The following KLHL12 variants were observed in gnomAD, a reference collection of about 807,000 sequenced individuals.
KLHL12 encodes the protein kelch-like protein 12.
In KLHL12, 17 loss-of-function variants were observed where a neutral mutation model predicts 60.8. That is an observed-to-expected ratio of 0.28 (90% confidence interval 0.19 to 0.42). The LOEUF is 0.42. Among genes scored for constraint, KLHL12 ranks in the 10% least tolerant of loss-of-function variants. The pLI, the probability that KLHL12 is intolerant of heterozygous loss-of-function variation, is 1.00. For synonymous variants in KLHL12, 220 were observed against 250.9 expected, an observed-to-expected ratio of 0.88 and a Z score of 1.16; for missense variants, 468 against 722.3, an observed-to-expected ratio of 0.65 and a Z score of 4.04.
In KLHL12 at chr1:202,927,147, T is replaced by G. The variant is rs1347717772; in HGVS notation, c.-104A>C. The G allele has an allele frequency of 2.0e-6, 2 of 985,156 alleles. No homozygotes were observed. Among genetic ancestry groups the G allele is most frequent in the Non-Finnish European group, 2.4e-6 (2 of 829,928 alleles). 61.0% of individuals were successfully genotyped at this position (985,156 alleles called of 1,614,324 possible). The stretch of plus-strand genomic sequence containing the variant: ...CCGTCCCCAGCCTGTGGGGATGGAG[T>G]GCGGCGCGGGGCTAGCAGGCGGCTC... On this transcript the variant is annotated 5_prime_UTR_variant, in exon 1 of 12. Coordinates refer to ENST00000367261, the MANE Select transcript of KLHL12 (RefSeq NM_021633.4).
chr1:202,912,572 C>A lies in KLHL12; in HGVS notation c.568-1369G>T, dbSNP rs191264287. On this transcript the variant is annotated intron_variant, in intron 4 of 11. Coordinates refer to ENST00000367261, the MANE Select transcript of KLHL12 (RefSeq NM_021633.4). Reference sequence around the variant, plus strand: ...CAGTGATTTTGGCAACTACAATAATCAGTCTTCAAATTTTGGACCCATGAA... The same window carrying A: ...CAGTGATTTTGGCAACTACAATAATAAGTCTTCAAATTTTGGACCCATGAA... 3.2e-4 allele frequency: 383 copies of A among 1,183,704 alleles called. 2 individuals carry two copies. In the African/African-American group the frequency reaches 4.9e-3, roughly 15 times the overall value. 73.3% of individuals were successfully genotyped at this position (1,183,704 alleles called of 1,614,324 possible).
rs1300773111 is a variant in KLHL12 at position 202,909,663 on chromosome 1, T to C, written c.718-539A>G. Among the ~76,000 whole-genome samples, 1 of 152,198 alleles carries C rather than the reference T, an allele frequency of 6.6e-6. No individual in the cohort carries two copies. Among genetic ancestry groups the C allele is most frequent in the Non-Finnish European group, 1.5e-5 (1 of 68,036 alleles). Reference sequence around the variant, plus strand: ...CTGTACCTTTTTCCACTCTGCTCTCTGGCTCAGAAGACTGGCCTATATGAA... The same window carrying C: ...CTGTACCTTTTTCCACTCTGCTCTCCGGCTCAGAAGACTGGCCTATATGAA... On this transcript the variant is annotated intron_variant, in intron 5 of 11. Coordinates refer to ENST00000367261, the MANE Select transcript of KLHL12 (RefSeq NM_021633.4). The surrounding 1 kb of genome is among the most constrained non-coding windows in gnomAD (Gnocchi z 4.1).
intron 6 of KLHL12, among the ~76,000 whole-genome samples, chr1:202,897,228 C>CTT (rs11305071): frequency 1.6e-3 from 132 of 82,232 alleles, no homozygotes; most frequent in Middle Eastern, 9.3e-3. Context: ...ATTTCTTTTT[C>CTT]TTTTTTTTTT....
In KLHL12 at chr1:202,909,492, A is replaced by G. The variant is rs1660291722; in HGVS notation, c.718-368T>C. Among the ~76,000 whole-genome samples, 1 of 152,156 alleles carries G rather than the reference A, an allele frequency of 6.6e-6. No individual in the cohort carries two copies. Among genetic ancestry groups the G allele is most frequent in the African/African-American group, 2.4e-5 (1 of 41,420 alleles). ...AATAAGAATTTTAAGGGGAAAACCA[A>G]AAAGATTCTGTTATTTTCTGGGTGA... On this transcript the variant is annotated intron_variant, in intron 5 of 11. Transcript: ENST00000367261. This position sits in a 1 kb window ranked among gnomAD's most constrained non-coding sequence, Gnocchi z 4.1.
chr1:202,917,806 G>A (rs936522353), intron 4 of KLHL12, among the ~76,000 whole-genome samples: 1 of 152,132 alleles, frequency 6.6e-6, no homozygotes, highest in Admixed American at 6.5e-5. Flanking sequence ...CCCACTTGGG[G>A]ATCTGTAGCA....
rs776735315 is a variant in KLHL12 at position 202,893,451 on chromosome 1, A to G, written c.1394-26T>C. The stretch of plus-strand genomic sequence containing the variant: ...CTGGGGAAAATGAATGCATTAGCAA[A>G]TGTATGGTACTAAGCCTAGAATCTG... On this transcript the variant is annotated intron_variant, in intron 10 of 11. Transcript: ENST00000367261. This position sits in a 1 kb window ranked among gnomAD's most constrained non-coding sequence, Gnocchi z 4.1. 97 of 1,576,224 alleles carry G rather than the reference A, an allele frequency of 6.2e-5. 2 individuals carry two copies. In the South Asian group the frequency reaches 1.0e-3, roughly 17 times the overall value.
At position 202,896,900 on chromosome 1, in the gene KLHL12, A is replaced by C. The variant is rs1411940034; in HGVS notation, c.893T>G (p.Val298Gly). The stretch of plus-strand genomic sequence containing the variant: ...AGTCTTGGGGTCATATTTCTCTACC[A>C]CATCAATGGGAGACTGCTGGCTTCC... Reference protein sequence around the residue: ...GFGSQQSPIDVVEKYDPKTQE... With the variant: ...GFGSQQSPIDGVEKYDPKTQE... Residue 298 changes from valine (V) to glycine (G), a missense_variant, in exon 7 of 12, where the codon GTG (valine) becomes GGG (glycine). By Grantham distance (109) the Val-to-Gly change is moderately radical. Around this residue, in one of 4 missense-constraint regions of KLHL12, gnomAD observed 339 missense variants for 525.0 expected, o/e 0.65. Coordinates refer to ENST00000367261, the MANE Select transcript of KLHL12 (RefSeq NM_021633.4). The C allele has an allele frequency of 1.2e-6, 2 of 1,614,048 alleles. No individual in the cohort carries two copies. The highest frequency in any genetic ancestry group is 1.7e-6 in the Non-Finnish European group (2 of 1,180,030).
chr1:202,902,728 A>T (rs1660049264), intron 6 of KLHL12, among the ~76,000 whole-genome samples: 1 of 152,022 alleles, frequency 6.6e-6, no homozygotes, highest in African/African-American at 2.4e-5. Context: ...GGTGGCTCAC[A>T]CCTGTAACCC....
intron 3 of KLHL12, among the ~76,000 whole-genome samples, chr1:202,919,192 G>A (rs1660611491): frequency 6.6e-6 from 1 of 152,176 alleles, no homozygotes; most frequent in African/African-American, 2.4e-5. Context: ...AGAATTCAAG[G>A]ATACAGTGAG....
intron 6 of KLHL12, among the ~76,000 whole-genome samples, chr1:202,906,484 C>T (rs1251957492): frequency 6.8e-6 from 1 of 146,964 alleles, no homozygotes; most frequent in Non-Finnish European, 1.5e-5. Context: ...AAAAAAGTTC[C>T]TACCCTGGGA....
chr1:202,917,246 CCT>C (rs1660550196), intron 4 of KLHL12, among the ~76,000 whole-genome samples: 1 of 152,050 alleles, frequency 6.6e-6, no homozygotes, highest in Non-Finnish European at 1.5e-5. Flanking sequence ...ACAGGGTCTC[CCT>C]CTGTTGCCTA....
chr1:202,920,782 CT>C (rs1571542808), intron 2 of KLHL12, among the ~76,000 whole-genome samples: 1 of 152,108 alleles, frequency 6.6e-6, no homozygotes, highest in East Asian at 1.9e-4. Context: ...TAACACCTTC[CT>C]GGAATAGTAA....
intron 2 of KLHL12, among the ~76,000 whole-genome samples, chr1:202,922,803 CCAGTCACTTAGCTAGTAAGAGA>C (rs1351942779): frequency 2.6e-5 from 4 of 151,780 alleles, no homozygotes; most frequent in Non-Finnish European, 5.9e-5. Flanking sequence ...CAAGACTTAA[CCAGTCACTTAGCTAGTAAGAGA>C]CAGATATCAT....
chr1:202,928,508 A>AT (rs1259373392), upstream of KLHL12: 3 of 1,304,364 alleles, frequency 2.3e-6, no homozygotes, highest in Non-Finnish European at 3.0e-6. Context: ...ACTTTTTGAC[A>AT]TCGAGAAAAC....
At chr1:202,927,982 A>AT (rs1280593978), upstream of KLHL12, among the ~76,000 whole-genome samples, 134 of 21,404 alleles carry the variant, frequency 6.3e-3, 2 homozygotes, top group African/African-American at 0.017. Context: ...TCTGTCTCTT[A>AT]AAAAAAAAAA....
chr1:202,906,450 C>T (rs1490443665), intron 6 of KLHL12, among the ~76,000 whole-genome samples: 3 of 102,600 alleles, frequency 2.9e-5, no homozygotes, highest in South Asian at 3.6e-4. Flanking sequence ...AGCAACGCTT[C>T]GTCTCAAAAA....
intron 4 of KLHL12, among the ~76,000 whole-genome samples, chr1:202,917,737 T>C (rs1660566681): frequency 6.6e-6 from 1 of 152,224 alleles, no homozygotes; most frequent in African/African-American, 2.4e-5. Context: ...ATTTTTTTTG[T>C]CTATATCTCT....
At chr1:202,912,474 G>T (rs1660394211) in intron 4 of KLHL12, 1 of 892,394 alleles carries the variant, frequency 1.1e-6, no homozygotes, top group Non-Finnish European at 1.9e-6. Flanking sequence ...GGTGGTGGTG[G>T]ATATGGTGGC....
Position 202,894,630 on chromosome 1 carries a change from C to T in KLHL12, c.1255G>A (p.Ala419Thr). ...ACTCCACTGGCCACTACGAGTCCGG[C>T]ACCTTCCCGGGCTGTCTGCATATCT... is the stretch of plus-strand genomic sequence containing the variant. The part of the protein sequence containing the change: ...LGDMQTAREG[A>T]GLVVASGVIY... The change falls in exon 9 of 12, where the codon GCC becomes ACC. Residue 419 changes from alanine to threonine, a missense_variant. Ala to Thr is a moderately conservative substitution (Grantham distance 58). Around this residue, in one of 4 missense-constraint regions of KLHL12, gnomAD observed 339 missense variants for 525.0 expected, o/e 0.65. Coordinates refer to ENST00000367261, the MANE Select transcript of KLHL12 (RefSeq NM_021633.4). 1 of 1,614,192 alleles carries T rather than the reference C, an allele frequency of 6.2e-7. No individual in the cohort carries two copies. The highest frequency in any genetic ancestry group is 8.5e-7 in the Non-Finnish European group (1 of 1,180,032).
Sources: gnomAD v4.1 joint callset for allele counts (sites outside exome capture counted in the v4.1 genomes callset) on GRCh38, gnomAD v4.1.1 for gene constraint, gnomAD v4.1.1 regional missense constraint, Gnocchi (gnomAD v3.1) non-coding constraint, MANE v1.5 for transcripts, NCBI Gene and HGNC (gene_info 2026-07-23, HGNC 2026-07-21) for gene names.